Variants in TENM1 observed in about 807,000 individuals in gnomAD.
TENM1 encodes the protein teneurin transmembrane protein 1.
In TENM1, 35 loss-of-function variants were observed where a neutral mutation model predicts 174.8. That is an observed-to-expected ratio of 0.20 (90% CI 0.15 to 0.27). TENM1 has a LOEUF of 0.27. Among genes scored for constraint, TENM1 ranks in the 10% least tolerant of loss-of-function variants. The pLI, the probability that TENM1 is intolerant of heterozygous loss-of-function variation, is 1.00. For missense variants in TENM1, 1,633 were observed against 2,130.1 expected (o/e 0.77, Z 4.59); for synonymous variants, 781 against 798.7 (o/e 0.98, Z 0.37).
At chrX:124,684,275 G>A (rs1373252096) in intron 5 of TENM1, among the ~76,000 whole-genome samples, 1 of 111,969 alleles carries the variant, frequency 8.9e-6, no homozygotes, top group Non-Finnish European at 1.9e-5. Flanking sequence ...CTTCACAAGT[G>A]CTAAGGAATT....
chrX:125,140,121 T>C, the TENM1 span, among the ~76,000 whole-genome samples: 1 of 111,820 alleles, frequency 8.9e-6, no homozygotes, highest in Non-Finnish European at 1.9e-5. Context: ...CTACCACTTG[T>C]ACATGTAACA....
chrX:125,036,925 A>T, the TENM1 span, among the ~76,000 whole-genome samples: 1 of 111,734 alleles, frequency 8.9e-6, no homozygotes, highest in South Asian at 3.7e-4. Context: ...TCAAAGGAAG[A>T]GCTTAAACAT....
intron 1 of TENM1, among the ~76,000 whole-genome samples, chrX:124,959,864 C>A (rs2058628990): frequency 9.0e-6 from 1 of 111,596 alleles, no homozygotes; most frequent in African/African-American, 3.3e-5. Flanking sequence ...ACACTTATAT[C>A]TCTTGAGTGT....
At chrX:124,993,423 A>C in the TENM1 span, among the ~76,000 whole-genome samples, 1 of 111,194 alleles carries the variant, frequency 9.0e-6, no homozygotes, top group Admixed American at 9.6e-5. Flanking sequence ...ATGTTCAAAC[A>C]TGGTTAACCC....
Position 124,730,478 on chromosome X carries a change from G to T in TENM1, c.776+6479C>A, listed in dbSNP as rs149518896. ...TTACAGATGAGAAAACCGAGACATG[G>T]TGATGATAATTAATGTGCCCAATGT... On this transcript the variant is annotated intron_variant, in intron 4 of 31. Transcript: ENST00000422452. Among the ~76,000 whole-genome samples, 19 of 111,159 alleles carry T rather than the reference G, an allele frequency of 1.7e-4. No homozygotes were observed. The East Asian group carries it at 5.1e-3, about 30-fold the overall frequency.
chrX:125,170,732 C>T, the TENM1 span, among the ~76,000 whole-genome samples: 56 of 111,024 alleles, frequency 5.0e-4, no homozygotes, highest in Non-Finnish European at 8.7e-4. Flanking sequence ...AAATGGACTT[C>T]GAAGGTCAGT....
intron 25 of TENM1, among the ~76,000 whole-genome samples, chrX:124,408,033 A>AGCAG (rs1197924347): frequency 8.9e-6 from 1 of 112,078 alleles, no homozygotes; most frequent in Non-Finnish European, 1.9e-5. Flanking sequence ...AGCTACAAGA[A>AGCAG]GCAGAAGAAC....
intron 15 of TENM1, among the ~76,000 whole-genome samples, chrX:124,536,624 AG>A (rs2048211649): frequency 9.0e-6 from 1 of 111,506 alleles, no homozygotes; most frequent in Non-Finnish European, 1.9e-5. Flanking sequence ...AGATCCCCAA[AG>A]TAATGGGAAA....
At chrX:124,985,249 C>T in the TENM1 span, among the ~76,000 whole-genome samples, 7 of 112,322 alleles carry the variant, frequency 6.2e-5, no homozygotes, top group Non-Finnish European at 1.1e-4. Flanking sequence ...TGTAGTTTTA[C>T]ATTTAACTAT....
intron 5 of TENM1, among the ~76,000 whole-genome samples, chrX:124,685,191 T>TA (rs965194707): frequency 9.1e-6 from 1 of 110,158 alleles, no homozygotes; most frequent in Non-Finnish European, 1.9e-5. Context: ...TAACCAACCC[T>TA]AAAAAAATGG....
chrX:124,825,158 CTTTTTT>C (rs745471230), intron 3 of TENM1, among the ~76,000 whole-genome samples: 1 of 61,006 alleles, frequency 1.6e-5, no homozygotes, highest in African/African-American at 6.3e-5. Context: ...AGCTGACTTT[CTTTTTT>C]TTTTTTTTTT....
chrX:125,145,620 A>G, the TENM1 span, among the ~76,000 whole-genome samples: 2 of 101,977 alleles, frequency 2.0e-5, no homozygotes, highest in Admixed American at 2.3e-4. Flanking sequence ...CTGTCACTTC[A>G]TAAGTTTTCA....
At chrX:125,204,246 CG>C in the TENM1 span, 1 of 112,021 alleles carries the variant, frequency 8.9e-6, no homozygotes, top group African/African-American at 3.3e-5. Context: ...GCCGCGCTCC[CG>C]GGTGCTGGGC....
intron 18 of TENM1, among the ~76,000 whole-genome samples, chrX:124,506,060 A>G (rs1175793359): frequency 8.9e-6 from 1 of 111,960 alleles, no homozygotes; most frequent in African/African-American, 3.3e-5. Context: ...AGTCTTGATT[A>G]ATAAATAATC....
At chrX:125,152,658 T>G in the TENM1 span, among the ~76,000 whole-genome samples, 6 of 112,360 alleles carry the variant, frequency 5.3e-5, no homozygotes. Flanking sequence ...CCAAGTTTAT[T>G]GCCACACAAA....
chrX:124,563,351 T>C (rs972983298), intron 13 of TENM1, among the ~76,000 whole-genome samples: 2 of 107,411 alleles, frequency 1.9e-5, no homozygotes, highest in African/African-American at 6.7e-5. Flanking sequence ...AAAGTTCATC[T>C]TCTGAACCAA....
At chrX:124,590,939 T>C (rs763246245) in intron 11 of TENM1, among the ~76,000 whole-genome samples, 4 of 112,584 alleles carry the variant, frequency 3.6e-5, no homozygotes, top group Non-Finnish European at 7.5e-5. Context: ...TGTATATTTA[T>C]GATAGTTAAG....
chrX:124,570,769 T>TA (rs1448110065), intron 11 of TENM1, among the ~76,000 whole-genome samples: 1 of 111,435 alleles, frequency 9.0e-6, no homozygotes, highest in Non-Finnish European at 1.9e-5. Context: ...AAAAGGAACT[T>TA]TAAATTTGAT....
chrX:125,020,228 T>C, the TENM1 span, among the ~76,000 whole-genome samples: 1 of 111,464 alleles, frequency 9.0e-6, no homozygotes, highest in African/African-American at 3.3e-5. Context: ...ATCATCTATT[T>C]TTCTCCACAA....
Sources: allele counts gnomAD v4.1 joint callset (sites outside exome capture counted in the v4.1 genomes callset), GRCh38; gene constraint gnomAD v4.1.1; transcripts MANE v1.5; gene names NCBI Gene and HGNC (gene_info 2026-07-23, HGNC 2026-07-21).